Variants in CRACD observed in about 807,000 individuals in gnomAD.
CRACD encodes the protein capping protein-inhibiting regulator of actin dynamics.
A neutral mutation model predicts 106.8 loss-of-function variants in CRACD; 56 were observed. The ratio of observed to expected loss-of-function variants is 0.52; its 90% confidence interval spans 0.42 to 0.66. The LOEUF is 0.66. Among genes scored for constraint, CRACD ranks in the 30% least tolerant of loss-of-function variants. The pLI is 0.00. For missense variants in CRACD, 1,730 were observed against 1,623.2 expected, an observed-to-expected ratio of 1.07 and a Z score of -1.13; for synonymous variants, 754 against 670.8, an observed-to-expected ratio of 1.12 and a Z score of -1.92.
At chr4:56,106,444 A>G (rs1489108766) in intron 1 of CRACD, among the ~76,000 whole-genome samples, 1 of 152,234 alleles carries the variant, frequency 6.6e-6, no homozygotes, top group Non-Finnish European at 1.5e-5. Context: ...TCCTTATTGA[A>G]GGAGACTTTT....
At chr4:56,174,403 T>C (rs1257588059) in intron 1 of CRACD, among the ~76,000 whole-genome samples, 1 of 152,204 alleles carries the variant, frequency 6.6e-6, no homozygotes, top group Non-Finnish European at 1.5e-5. Context: ...TCTAACTGTA[T>C]TTTTGTACCC....
At chr4:56,195,180 A>G (rs1317824583) in intron 2 of CRACD, among the ~76,000 whole-genome samples, 1 of 152,160 alleles carries the variant, frequency 6.6e-6, no homozygotes, top group African/African-American at 2.4e-5. Flanking sequence ...GTGATGTGCA[A>G]GTGGGAGGAC....
rs1220045982 is a variant in CRACD, at chr4:56,123,301, A to G, written c.-335-55983A>G. The stretch of plus-strand genomic sequence containing the variant: ...TAAACAACAGACATTTATTTCTTAT[A>G]GTTCCAGAGGCTGGGAAGTCTGAGA... On this transcript the variant is annotated intron_variant, in intron 1 of 10. Transcript: ENST00000682029. Among the ~76,000 whole-genome samples the G allele has an allele frequency of 2.0e-5, 3 of 152,350 alleles. No individual in the cohort carries two copies. In the East Asian group the frequency reaches 5.8e-4, roughly 29 times the overall value.
chr4:56,049,775 GCA>G (rs1316111249), intron 1 of CRACD: 3 of 152,244 alleles, frequency 2.0e-5, no homozygotes, highest in Non-Finnish European at 4.4e-5. Context: ...AGACCGTTTC[GCA>G]CAAACTCTTG....
intron 1 of CRACD, among the ~76,000 whole-genome samples, chr4:56,074,905 A>G (rs1470702999): frequency 6.6e-6 from 1 of 152,142 alleles, no homozygotes; most frequent in Non-Finnish European, 1.5e-5. Context: ...AGGGGTATTG[A>G]ATTTTATCGA....
chr4:56,179,401 C>T lies in CRACD; in HGVS notation c.-218C>T, dbSNP rs947404519. 2 of 151,776 alleles carry T rather than the reference C, an allele frequency of 1.3e-5. No individual in the cohort carries two copies. The highest frequency in any genetic ancestry group is 4.8e-5 in the African/African-American group (2 of 41,278). The allele number at this position is 151,776 out of a possible 1,614,324, so 9.4% of individuals were successfully genotyped here. On this transcript the variant is annotated 5_prime_UTR_variant, in exon 2 of 11. Transcript: ENST00000682029. The stretch of plus-strand genomic sequence containing the variant: ...AAAATTTTGGTGGAGAATTATCCAA[C>T]AAGAAAAAGACCTGTGGCTATTAAG...
chr4:56,219,343 C>CGTTT (rs550736884), intron 2 of CRACD, among the ~76,000 whole-genome samples: 2 of 151,966 alleles, frequency 1.3e-5, no homozygotes, highest in Non-Finnish European at 2.9e-5. Context: ...AGGTTTTGTT[C>CGTTT]GTTTGTTTGT....
chr4:56,154,364 G>A (rs1190296257), intron 1 of CRACD, among the ~76,000 whole-genome samples: 1 of 152,104 alleles, frequency 6.6e-6, no homozygotes, highest in African/African-American at 2.4e-5. Context: ...TACTCGGGAG[G>A]CTAACGCAGG....
chr4:56,321,164 C>T, intron 8 of CRACD: 1 of 243,350 alleles, frequency 4.1e-6, no homozygotes. Context: ...TGAGGTTCTG[C>T]AGGCAGTTGT....
chr4:56,294,775 G>A (rs1208308758), intron 3 of CRACD, among the ~76,000 whole-genome samples: 1 of 151,774 alleles, frequency 6.6e-6, no homozygotes, highest in East Asian at 1.9e-4. Context: ...TTAACCAGGC[G>A]TGGTGGTGGG....
intron 2 of CRACD, among the ~76,000 whole-genome samples, chr4:56,260,478 G>C (rs971514069): frequency 2.0e-5 from 3 of 152,282 alleles, no homozygotes; most frequent in African/African-American, 2.4e-5. Context: ...GTTGACAAAG[G>C]GTGGAGTGTG....
At chr4:56,166,300 A>G (rs1337621789) in intron 1 of CRACD, among the ~76,000 whole-genome samples, 1 of 152,220 alleles carries the variant, frequency 6.6e-6, no homozygotes, top group Non-Finnish European at 1.5e-5. Context: ...TGCAGCAAAG[A>G]TATTTGTTGC....
intron 1 of CRACD, among the ~76,000 whole-genome samples, chr4:56,133,595 T>C (rs536994280): frequency 1.3e-5 from 2 of 152,320 alleles, no homozygotes; most frequent in South Asian, 4.1e-4. Context: ...GATACACTAG[T>C]TAACAAGAAG....
chr4:56,183,631 G>A (rs907088852), intron 2 of CRACD, among the ~76,000 whole-genome samples: 4 of 152,248 alleles, frequency 2.6e-5, no homozygotes, highest in African/African-American at 9.6e-5. Flanking sequence ...AAAGCTAAGT[G>A]TTGTGTTAAG....
At chr4:56,158,107 T>TG (rs1375382212) in intron 1 of CRACD, among the ~76,000 whole-genome samples, 1 of 152,224 alleles carries the variant, frequency 6.6e-6, no homozygotes, top group Admixed American at 6.5e-5. Context: ...GATGCATTCT[T>TG]GCAATCCTAA....
intron 1 of CRACD, among the ~76,000 whole-genome samples, chr4:56,168,947 G>A (rs529592377): frequency 6.6e-6 from 1 of 152,180 alleles, no homozygotes; most frequent in South Asian, 2.1e-4. Flanking sequence ...ATAGAAAAAC[G>A]TCATCAGTAG....
intron 5 of CRACD, 64 bp downstream of exon 5, chr4:56,307,763 T>TAACCCTGGGGTCTGCAGC: frequency 1.3e-6 from 2 of 1,544,196 alleles, no homozygotes; most frequent in Non-Finnish European, 1.8e-6. Flanking sequence ...GGGCCTCCAG[T>TAACCCTGGGGTCTGCAGC]AACCCTGGGG....
At chr4:56,116,358 ATGTT>A (rs1424720644) in intron 1 of CRACD, among the ~76,000 whole-genome samples, 3 of 152,214 alleles carry the variant, frequency 2.0e-5, no homozygotes. Context: ...CACTGTAGGC[ATGTT>A]TGTCTTCATT....
intron 5 of CRACD, chr4:56,308,776 C>T (rs1001251709): frequency 8.2e-5 from 81 of 985,310 alleles, no homozygotes; most frequent in Non-Finnish European, 9.6e-5. Context: ...TCTAAAATTG[C>T]TCTTCCCAAC....
Sources: allele counts gnomAD v4.1 joint callset (sites outside exome capture counted in the v4.1 genomes callset), GRCh38; gene constraint gnomAD v4.1.1; transcripts MANE v1.5; gene names NCBI Gene and HGNC (gene_info 2026-07-23, HGNC 2026-07-21).